The following RPS6KA2 variants were observed in gnomAD, a reference collection of about 807,000 sequenced individuals.
RPS6KA2 encodes the protein ribosomal protein S6 kinase A2.
Under a neutral mutation model 91.8 loss-of-function variants are expected in RPS6KA2, and 42 were observed. The observed-to-expected ratio is 0.46, with a 90% CI of 0.36 to 0.59. The LOEUF is 0.59. Ranked by LOEUF, RPS6KA2 falls within the 20% of genes least tolerant of loss-of-function variation. RPS6KA2 has a pLI of 0.00. For missense variants in RPS6KA2, 798 were observed against 978.5 expected (o/e 0.82, Z 2.46); for synonymous variants, 414 against 393.6 (o/e 1.05, Z -0.61).
chr6:166,764,264 C>T (rs1315387164), intron 2 of RPS6KA2, among the ~76,000 whole-genome samples: 2 of 152,070 alleles, frequency 1.3e-5, no homozygotes, highest in Non-Finnish European at 2.9e-5. Context: ...AGGCCAGCGA[C>T]ATTTTAGTGA....
intron 2 of RPS6KA2, among the ~76,000 whole-genome samples, chr6:166,646,466 C>T (rs1040686165): frequency 3.9e-5 from 6 of 152,248 alleles, no homozygotes; most frequent in African/African-American, 1.4e-4. Flanking sequence ...TCCTAGGCCA[C>T]GGAGGAGCCA....
chr6:166,787,992 A>C (rs1187599950), intron 2 of RPS6KA2, among the ~76,000 whole-genome samples: 7 of 151,002 alleles, frequency 4.6e-5, no homozygotes, highest in African/African-American at 1.7e-4. Flanking sequence ...AAAAAAAAAA[A>C]ACCAACCCAT....
chr6:166,604,869 T>A (rs1785888274), intron 1 of RPS6KA2, among the ~76,000 whole-genome samples: 1 of 152,108 alleles, frequency 6.6e-6, no homozygotes, highest in African/African-American at 2.4e-5. Flanking sequence ...AAAATACGAA[T>A]GAGACTAAAT....
intron 2 of RPS6KA2, among the ~76,000 whole-genome samples, chr6:166,722,805 G>C (rs921123117): frequency 2.6e-5 from 4 of 152,194 alleles, no homozygotes; most frequent in African/African-American, 7.2e-5. Context: ...TTTACCTCCA[G>C]TGACACTTCA....
At chr6:166,503,061 C>A (rs1339688871) in intron 6 of RPS6KA2, among the ~76,000 whole-genome samples, 1 of 152,138 alleles carries the variant, frequency 6.6e-6, no homozygotes, top group Non-Finnish European at 1.5e-5. Context: ...TCACCTGGAG[C>A]TAATTTATAG....
intron 1 of RPS6KA2, among the ~76,000 whole-genome samples, chr6:166,582,317 T>C (rs370714435): frequency 1.3e-5 from 2 of 152,222 alleles, no homozygotes; most frequent in South Asian, 4.1e-4. Flanking sequence ...TCCGGTGGCA[T>C]GCACTTTTTG....
intron 2 of RPS6KA2, among the ~76,000 whole-genome samples, chr6:166,538,300 G>T (rs1783544057): frequency 6.6e-6 from 1 of 152,060 alleles, no homozygotes; most frequent in African/African-American, 2.4e-5. Flanking sequence ...TTTTTTCCTT[G>T]TTCTCTTATT....
intron 1 of RPS6KA2, among the ~76,000 whole-genome samples, chr6:166,585,171 T>C (rs574867086): frequency 6.6e-6 from 1 of 152,264 alleles, no homozygotes; most frequent in East Asian, 1.9e-4. Flanking sequence ...TGCCCTGAAA[T>C]ACATGAAAAA....
chr6:166,838,135 C>A (rs1336759298), intron 2 of RPS6KA2, among the ~76,000 whole-genome samples: 2 of 152,230 alleles, frequency 1.3e-5, no homozygotes, highest in African/African-American at 4.8e-5. Flanking sequence ...GGCTTGAAAG[C>A]CCTGTACCAG....
chr6:166,762,462 A>G (rs573944861), intron 2 of RPS6KA2, among the ~76,000 whole-genome samples: 17 of 152,344 alleles, frequency 1.1e-4, no homozygotes, highest in African/African-American at 1.9e-4. Flanking sequence ...CACCTGGCGT[A>G]GTCCCTGGCA....
At chr6:166,700,802 T>C (rs1789489209) in intron 2 of RPS6KA2, among the ~76,000 whole-genome samples, 1 of 152,172 alleles carries the variant, frequency 6.6e-6, no homozygotes, top group African/African-American at 2.4e-5. Flanking sequence ...AATTAGAATA[T>C]CTGTTATACT....
intron 2 of RPS6KA2, among the ~76,000 whole-genome samples, chr6:166,834,816 T>C (rs1335445812): frequency 9.8e-6 from 1 of 102,360 alleles, no homozygotes; most frequent in Non-Finnish European, 2.1e-5. Flanking sequence ...AGTCTTTAGT[T>C]TGTATGGCGT....
chr6:166,614,475 C>G (rs902988511), intron 1 of RPS6KA2, among the ~76,000 whole-genome samples: 60 of 152,376 alleles, frequency 3.9e-4, no homozygotes, highest in African/African-American at 1.4e-3. Context: ...GGCCCCTGCC[C>G]GTGTCCCTCC....
intron 2 of RPS6KA2, among the ~76,000 whole-genome samples, chr6:166,644,059 A>C (rs1787530417): frequency 6.6e-6 from 1 of 152,186 alleles, no homozygotes; most frequent in Admixed American, 6.5e-5. Flanking sequence ...TTTGACATGC[A>C]CTTTGTGCCA....
intron 2 of RPS6KA2, among the ~76,000 whole-genome samples, chr6:166,832,081 GATAT>G (rs1170771770): frequency 3.4e-4 from 51 of 150,036 alleles, no homozygotes; most frequent in African/African-American, 1.1e-3. Context: ...TAGATAGATA[GATAT>G]AGATAATCTA....
intron 14 of RPS6KA2, 48 bp from the exon 15 acceptor site, chr6:166,432,538 CG>C: frequency 1.7e-6 from 2 of 1,196,550 alleles, no homozygotes; most frequent in Non-Finnish European, 2.5e-6. Context: ...TTTAGGCTTT[CG>C]GGTGGTATCT....
intron 2 of RPS6KA2, among the ~76,000 whole-genome samples, chr6:166,809,833 G>A (rs889691456): frequency 6.6e-6 from 1 of 152,188 alleles, no homozygotes; most frequent in African/African-American, 2.4e-5. Context: ...TCCTGAGAAC[G>A]TGTTCAACGC....
chr6:166,698,320 T>A (rs192806515), intron 2 of RPS6KA2, among the ~76,000 whole-genome samples: 12 of 152,278 alleles, frequency 7.9e-5, no homozygotes, highest in Admixed American at 7.8e-4. Flanking sequence ...TTAGGATGTA[T>A]CTGAGTGATG....
chr6:166,592,466 T>C (rs1237802227), intron 1 of RPS6KA2, among the ~76,000 whole-genome samples: 1 of 152,194 alleles, frequency 6.6e-6, no homozygotes, highest in Non-Finnish European at 1.5e-5. Context: ...GAGAACTTAC[T>C]AGTTATTCTT....
Sources: allele counts gnomAD v4.1 joint callset (sites outside exome capture counted in the v4.1 genomes callset), GRCh38; gene constraint gnomAD v4.1.1; transcripts MANE v1.5; gene names NCBI Gene and HGNC (gene_info 2026-07-23, HGNC 2026-07-21).